The following AUTS2 variants were observed in gnomAD, a reference collection of about 807,000 sequenced individuals.
The protein encoded by AUTS2 is activator of transcription and developmental regulator AUTS2.
Under a neutral mutation model 112.4 loss-of-function variants are expected in AUTS2, and 17 were observed. The observed-to-expected ratio is 0.15, with a 90% CI of 0.10 to 0.23. The LOEUF (loss-of-function observed/expected upper bound fraction) is 0.23, where lower values mean the gene tolerates loss of function less well. AUTS2 is among the 10% of genes least tolerant of loss of function. AUTS2 has a pLI of 1.00. For missense variants in AUTS2, 1,510 were observed against 1,701.6 expected (o/e 0.89, Z 1.98); for synonymous variants, 751 against 702.7 (o/e 1.07, Z -1.09).
At chr7:69,883,143 A>ATC (rs1562948444) in intron 1 of AUTS2, among the ~76,000 whole-genome samples, 1 of 152,186 alleles carries the variant, frequency 6.6e-6, no homozygotes, top group Non-Finnish European at 1.5e-5. Flanking sequence ...CGCCACCAAT[A>ATC]AAGAGTAGGG....
intron 6 of AUTS2, among the ~76,000 whole-genome samples, chr7:70,731,012 T>C (rs966570082): frequency 7.9e-5 from 12 of 152,224 alleles, no homozygotes; most frequent in South Asian, 6.2e-4. Flanking sequence ...TGAGCATCTT[T>C]TCATGTGCTT....
chr7:70,533,851 G>C (rs1254311292), intron 5 of AUTS2, among the ~76,000 whole-genome samples: 1 of 152,176 alleles, frequency 6.6e-6, no homozygotes, highest in Non-Finnish European at 1.5e-5. Context: ...TTTAGTAGCA[G>C]CTGAGCGTGG....
At chr7:70,258,241 T>C (rs935552145) in intron 4 of AUTS2, among the ~76,000 whole-genome samples, 2 of 152,216 alleles carry the variant, frequency 1.3e-5, no homozygotes, top group African/African-American at 4.8e-5. Flanking sequence ...ACTGTAGTTA[T>C]GTTGAGCAGT....
intron 1 of AUTS2, among the ~76,000 whole-genome samples, chr7:69,679,330 A>G (rs978102624): frequency 6.6e-6 from 1 of 152,262 alleles, no homozygotes; most frequent in African/African-American, 2.4e-5. Context: ...CCAGTCTGCC[A>G]GGATTTACAT....
chr7:70,677,561 T>C (rs1310878132), intron 5 of AUTS2, among the ~76,000 whole-genome samples: 1 of 152,136 alleles, frequency 6.6e-6, no homozygotes, highest in African/African-American at 2.4e-5. Flanking sequence ...TTGCCCCGTG[T>C]CTCCTGCCAT....
chr7:70,724,869 A>G (rs545604000), intron 6 of AUTS2, among the ~76,000 whole-genome samples: 5 of 152,322 alleles, frequency 3.3e-5, no homozygotes, highest in African/African-American at 1.2e-4. Context: ...TACTGTCTCC[A>G]TTACAAGGTG....
intron 5 of AUTS2, among the ~76,000 whole-genome samples, chr7:70,618,776 GA>G (rs1160291037): frequency 1.3e-5 from 2 of 151,434 alleles, no homozygotes; most frequent in Non-Finnish European, 2.9e-5. Flanking sequence ...GAGAGCAAGA[GA>G]AAAAAAAGAG....
chr7:69,846,204 G>C (rs1207976762), intron 1 of AUTS2, among the ~76,000 whole-genome samples: 1 of 152,034 alleles, frequency 6.6e-6, no homozygotes, highest in Non-Finnish European at 1.5e-5. Context: ...TAGTCTGAGA[G>C]TGTACAGAAA....
At chr7:69,886,267 T>C (rs1468419109) in intron 1 of AUTS2, among the ~76,000 whole-genome samples, 2 of 152,228 alleles carry the variant, frequency 1.3e-5, no homozygotes, top group African/African-American at 4.8e-5. Flanking sequence ...GTCACTGCTC[T>C]GTAAGAGAAG....
intron 5 of AUTS2, among the ~76,000 whole-genome samples, chr7:70,580,396 T>C (rs145407066): frequency 7.2e-4 from 110 of 152,280 alleles, no homozygotes; most frequent in African/African-American, 2.6e-3. Context: ...ATGTTTCCTA[T>C]TAGTTCTTCA....
intron 2 of AUTS2, among the ~76,000 whole-genome samples, chr7:70,084,037 A>T (rs192197142): frequency 6.6e-6 from 1 of 151,964 alleles, no homozygotes; most frequent in Admixed American, 6.6e-5. Flanking sequence ...TTCCATCTCC[A>T]CCCCAGCTTA....
chr7:70,413,940 G>T (rs768222837), intron 4 of AUTS2, among the ~76,000 whole-genome samples: 1 of 152,124 alleles, frequency 6.6e-6, no homozygotes, highest in African/African-American at 2.4e-5. Context: ...CTCCCAAAGC[G>T]CTGGGATTAC....
At chr7:70,556,700 C>G (rs528641054) in intron 5 of AUTS2, among the ~76,000 whole-genome samples, 2 of 152,308 alleles carry the variant, frequency 1.3e-5, no homozygotes, top group South Asian at 2.1e-4. Flanking sequence ...TCTCAGAGCT[C>G]CATGTGTCAA....
chr7:70,391,603 C>T (rs1793861498), intron 4 of AUTS2, among the ~76,000 whole-genome samples: 1 of 152,268 alleles, frequency 6.6e-6, no homozygotes, highest in African/African-American at 2.4e-5. Flanking sequence ...CCAACTATAA[C>T]TTACTCTTCC....
chr7:70,089,607 A>T (rs185523025), intron 2 of AUTS2, among the ~76,000 whole-genome samples: 2 of 152,098 alleles, frequency 1.3e-5, no homozygotes, highest in Admixed American at 1.3e-4. Context: ...GACTGTTTAT[A>T]TACTTTCTTG....
chr7:69,738,418 A>C (rs768744041), intron 1 of AUTS2, among the ~76,000 whole-genome samples: 5 of 152,202 alleles, frequency 3.3e-5, no homozygotes, highest in Admixed American at 1.3e-4. Flanking sequence ...ACTAAGGCAC[A>C]GAGAGGGTAA....
intron 2 of AUTS2, among the ~76,000 whole-genome samples, chr7:70,004,360 G>A (rs1194236041): frequency 8.7e-5 from 10 of 115,146 alleles, no homozygotes; most frequent in African/African-American, 1.6e-4. Context: ...TATATATTAT[G>A]TATGAATATA....
chr7:70,055,434 CA>C (rs1051419969), intron 2 of AUTS2, among the ~76,000 whole-genome samples: 18 of 145,820 alleles, frequency 1.2e-4, no homozygotes, highest in Middle Eastern at 7.1e-3. Context: ...AACTCCATCT[CA>C]AAAAAAAAAA....
At chr7:69,905,283 A>G (rs1180486021) in intron 2 of AUTS2, among the ~76,000 whole-genome samples, 2 of 152,210 alleles carry the variant, frequency 1.3e-5, no homozygotes, top group South Asian at 2.1e-4. Flanking sequence ...AAAATTGACT[A>G]TGAAAAGGAC....
Sources: gnomAD v4.1 joint callset for allele counts (sites outside exome capture counted in the v4.1 genomes callset) on GRCh38, gnomAD v4.1.1 for gene constraint, MANE v1.5 for transcripts, NCBI Gene and HGNC (gene_info 2026-07-23, HGNC 2026-07-21) for gene names.